KIDINS220: variants seen among roughly 807,000 people sequenced by gnomAD.
The protein encoded by KIDINS220 is kinase D interacting substrate 220, also known as kinase D-interacting substrate of 220 kDa.
Under a neutral mutation model 157.6 loss-of-function variants are expected in KIDINS220, and 63 were observed. The ratio of observed to expected loss-of-function variants is 0.40; its 90% confidence interval spans 0.33 to 0.49. The LOEUF (loss-of-function observed/expected upper bound fraction) is 0.49. KIDINS220 is among the 20% of genes least tolerant of loss of function. The pLI, the probability that KIDINS220 is intolerant of heterozygous loss-of-function variation, is 0.66. For synonymous variants in KIDINS220, 732 were observed against 783.6 expected (o/e 0.93, Z 1.10); for missense variants, 1,772 against 2,171.2 (o/e 0.82, Z 3.65).
At chr2:8,795,807 G>A (rs757527629) in intron 11 of KIDINS220, among the ~76,000 whole-genome samples, 3 of 152,188 alleles carry the variant, frequency 2.0e-5, no homozygotes, top group African/African-American at 4.8e-5. Flanking sequence ...GTTCTGTATC[G>A]CAAATTGGGG....
rs1339699131 is a variant in KIDINS220 at position 8,734,846 on chromosome 2, T to G, written c.3718-93A>C. 5 of 893,774 alleles carry G rather than the reference T, an allele frequency of 5.6e-6. No homozygotes were observed. The African/African-American group carries it at 8.5e-5, about 15-fold the overall frequency. The allele number at this position is 893,774 out of a possible 1,614,324, so 55.4% of individuals were successfully genotyped here. On this transcript the variant is annotated intron_variant, in intron 27 of 29. Transcript: ENST00000256707. The stretch of plus-strand genomic sequence containing the variant: ...TGCCAAGTATGCTTATATTTAGTTT[T>G]AAATAAGTCTCTAGAGACCAGAAAG...
chr2:8,757,805 C>A (rs1188071822), intron 22 of KIDINS220: 2 of 1,567,784 alleles, frequency 1.3e-6, no homozygotes, highest in South Asian at 2.2e-5. Context: ...TGAATAATAA[C>A]ATCTTCAGTA....
At position 8,758,426 on chromosome 2, in the gene KIDINS220, G is replaced by A. The variant is rs530907738; in HGVS notation, c.3012-6782C>T. ...AGCAACTCCAACTCGAGGCACCTCT[G>A]CTCACCTTGGCCTTTGGATCTGCCT... On this transcript the variant is annotated intron_variant, in intron 22 of 29. Coordinates refer to ENST00000256707, the MANE Select transcript of KIDINS220 (RefSeq NM_020738.4). Among the ~76,000 whole-genome samples the A allele has an allele frequency of 8.5e-5, 13 of 152,274 alleles. No individual in the cohort carries two copies. The South Asian group carries it at 2.7e-3, about 32-fold the overall frequency.
At chr2:8,750,757 GAAC>G (rs1249732657) in intron 23 of KIDINS220, among the ~76,000 whole-genome samples, 1 of 152,122 alleles carries the variant, frequency 6.6e-6, no homozygotes, top group East Asian at 1.9e-4. Context: ...ATCCACCTCT[GAAC>G]AACAACAAAT....
chr2:8,830,463 G>A (rs1043792962), intron 1 of KIDINS220, among the ~76,000 whole-genome samples: 21 of 152,194 alleles, frequency 1.4e-4, no homozygotes, highest in Non-Finnish European at 5.9e-5. Context: ...CTGTCACTCA[G>A]ACTGGAGTGC....
chr2:8,768,430 C>A (rs1669757318), intron 22 of KIDINS220, among the ~76,000 whole-genome samples: 1 of 152,076 alleles, frequency 6.6e-6, no homozygotes, highest in South Asian at 2.1e-4. Flanking sequence ...GTGTTAGTAT[C>A]AAATGTCATT....
chr2:8,740,348 C>G (rs1665456971), intron 26 of KIDINS220, among the ~76,000 whole-genome samples: 1 of 152,198 alleles, frequency 6.6e-6, no homozygotes, highest in Admixed American at 6.5e-5. Flanking sequence ...AGCACACATG[C>G]ATGCACACAC....
At chr2:8,757,132 G>T in intron 22 of KIDINS220, 1 of 370,370 alleles carries the variant, frequency 2.7e-6, no homozygotes, top group African/African-American at 2.2e-5. Context: ...AAAAAAAAAA[G>T]AGTTAAGATA....
At chr2:8,796,554 C>T (rs1384716253) in intron 11 of KIDINS220, among the ~76,000 whole-genome samples, 4 of 152,098 alleles carry the variant, frequency 2.6e-5, no homozygotes. Flanking sequence ...TGCTGTGAGC[C>T]GTAGAAGGAA....
chr2:8,837,089 C>A lies in KIDINS220; in HGVS notation c.-37+391G>T, dbSNP rs1302591600. On this transcript the variant is annotated intron_variant, in intron 1 of 29. Transcript: ENST00000256707. ...CCCGTGGAAGCCTAGGAGGAGGAAC[C>A]TAGAAAGACTAGCGGTACCAGCTAA... 2.0e-5 allele frequency among the ~76,000 whole-genome samples: 3 copies of A among 152,228 alleles called. No homozygotes were observed. The East Asian group carries it at 5.8e-4, about 29-fold the overall frequency.
chr2:8,835,951 A>C (rs1231293583), intron 1 of KIDINS220, among the ~76,000 whole-genome samples: 1 of 152,144 alleles, frequency 6.6e-6, no homozygotes, highest in African/African-American at 2.4e-5. Flanking sequence ...AAATACAAAG[A>C]ATCAGGGCCC....
chr2:8,805,079 T>C (rs554784198), intron 7 of KIDINS220, among the ~76,000 whole-genome samples: 3 of 152,312 alleles, frequency 2.0e-5, no homozygotes, highest in Admixed American at 2.0e-4. Flanking sequence ...CCATAAGGGA[T>C]ATTTTAAAGG....
intron 24 of KIDINS220, chr2:8,749,360 T>C: frequency 2.2e-6 from 1 of 451,702 alleles, no homozygotes; most frequent in South Asian, 1.6e-5. Flanking sequence ...AAATAAGAAA[T>C]TGCAATGCAC....
intron 9 of KIDINS220, among the ~76,000 whole-genome samples, chr2:8,800,052 C>A (rs751270246): frequency 6.6e-6 from 1 of 151,932 alleles, no homozygotes; most frequent in African/African-American, 2.4e-5. Context: ...GGAGAAAACA[C>A]TAAAAAAAAT....
rs536316090 is a variant in KIDINS220, at chr2:8,818,801, A to G, written c.109-8T>C. On this transcript the variant is annotated splice_polypyrimidine_tract_variant and splice_region_variant and intron_variant, in intron 2 of 29. Coordinates refer to ENST00000256707, the MANE Select transcript of KIDINS220 (RefSeq NM_020738.4). ...CAGTGGAGTCTGGCCACACTAGAGA[A>G]TATAAAAGACAAAGGGAACTTATCA... 214 of 1,538,228 alleles carry G rather than the reference A, an allele frequency of 1.4e-4. 1 individual carries two copies. The South Asian group carries it at 2.4e-3, about 17-fold the overall frequency.
chr2:8,736,658 CTTTA>C (rs1162460085), intron 27 of KIDINS220, among the ~76,000 whole-genome samples: 1 of 152,194 alleles, frequency 6.6e-6, no homozygotes, highest in African/African-American at 2.4e-5. Flanking sequence ...AAGACAGCTA[CTTTA>C]TTTTATTTTA....
intron 28 of KIDINS220, 30 bp from the exon 29 acceptor site, chr2:8,733,710 A>G: frequency 7.6e-7 from 1 of 1,312,552 alleles, no homozygotes; most frequent in Non-Finnish European, 1.0e-6. Flanking sequence ...AAATATTTAC[A>G]CTAACAAATC....
chr2:8,797,726 TTAGA>T (rs914472622), intron 10 of KIDINS220, among the ~76,000 whole-genome samples: 3 of 152,242 alleles, frequency 2.0e-5, no homozygotes, highest in African/African-American at 7.2e-5. Flanking sequence ...GACCACAGTA[TTAGA>T]TAATTTTTTA....
At chr2:8,740,609 C>T (rs1665493083) in intron 26 of KIDINS220, among the ~76,000 whole-genome samples, 1 of 152,134 alleles carries the variant, frequency 6.6e-6, no homozygotes, top group Admixed American at 6.5e-5. Context: ...AAATATCTAG[C>T]CACACTGTAG....
Sources: allele counts gnomAD v4.1 joint callset (sites outside exome capture counted in the v4.1 genomes callset), GRCh38; gene constraint gnomAD v4.1.1; transcripts MANE v1.5; gene names NCBI Gene and HGNC (gene_info 2026-07-23, HGNC 2026-07-21).